OSBPL10: variants seen among roughly 807,000 people sequenced by gnomAD.
The protein encoded by OSBPL10 is oxysterol binding protein like 10.
In OSBPL10, 49 loss-of-function variants were observed where a neutral mutation model predicts 81.7. The observed-to-expected ratio is 0.60, with a 90% CI of 0.48 to 0.76. The LOEUF is 0.76. Among genes scored for constraint, OSBPL10 ranks in the 30% least tolerant of loss-of-function variants. OSBPL10 has a pLI of 0.00. For missense variants in OSBPL10, 923 were observed against 987.8 expected, an observed-to-expected ratio of 0.93 and a Z score of 0.88; for synonymous variants, 419 against 383.6, an observed-to-expected ratio of 1.09 and a Z score of -1.08.
intron 2 of OSBPL10, among the ~76,000 whole-genome samples, chr3:31,999,946 C>T (rs1699129013): frequency 6.6e-6 from 1 of 152,148 alleles, no homozygotes; most frequent in Admixed American, 6.5e-5. Flanking sequence ...TCATAAGAGC[C>T]TCTTCTAAAA....
intron 4 of OSBPL10, among the ~76,000 whole-genome samples, chr3:31,792,371 C>T (rs75378668): frequency 0.019 from 2,835 of 152,106 alleles, 79 homozygotes; most frequent in African/African-American, 0.064. Flanking sequence ...TGTAAAAAAG[C>T]TTTTCCAAGT....
intron 4 of OSBPL10, among the ~76,000 whole-genome samples, chr3:31,782,644 A>G (rs1375041128): frequency 2.0e-5 from 3 of 152,236 alleles, no homozygotes; most frequent in African/African-American, 7.2e-5. Context: ...ATGAATAGAC[A>G]GTTCTCAAAA....
chr3:31,969,908 C>T (rs958520287), intron 1 of OSBPL10, among the ~76,000 whole-genome samples: 2 of 149,414 alleles, frequency 1.3e-5, no homozygotes, highest in Admixed American at 1.3e-4. Context: ...TTGGAAAGGC[C>T]ATGGAGAGAA....
chr3:31,712,721 A>G (rs913670106), intron 6 of OSBPL10, among the ~76,000 whole-genome samples: 1 of 152,242 alleles, frequency 6.6e-6, no homozygotes, highest in African/African-American at 2.4e-5. Flanking sequence ...ATAAATTAGC[A>G]TTGTTTTAAA....
At chr3:31,965,982 T>G (rs1698389399) in intron 1 of OSBPL10, among the ~76,000 whole-genome samples, 1 of 125,794 alleles carries the variant, frequency 7.9e-6, no homozygotes, top group Non-Finnish European at 1.6e-5. Flanking sequence ...AGATAATATA[T>G]ATTATATAAA....
intron 1 of OSBPL10, among the ~76,000 whole-genome samples, chr3:31,892,864 T>A (rs1400798328): frequency 1.3e-5 from 2 of 152,154 alleles, no homozygotes; most frequent in African/African-American, 4.8e-5. Flanking sequence ...ACCAGCAGAC[T>A]AGCCAGGGAT....
At chr3:32,068,795 T>G (rs2125447492) in intron 1 of OSBPL10, among the ~76,000 whole-genome samples, 1 of 152,242 alleles carries the variant, frequency 6.6e-6, no homozygotes, top group Middle Eastern at 3.4e-3. Context: ...CTTTCCCTCC[T>G]GCCTGTCCCT....
intron 3 of OSBPL10, among the ~76,000 whole-genome samples, chr3:31,837,321 TTATATATATATATATATATATATATA>T (rs59797512): frequency 0.017 from 998 of 59,080 alleles, 32 homozygotes; most frequent in African/African-American, 0.039. Flanking sequence ...GATCCCCAAA[TTATATATATATATATATATATATATA>T]TATATATATA....
intron 7 of OSBPL10, among the ~76,000 whole-genome samples, chr3:31,691,042 G>A (rs1695525003): frequency 6.6e-6 from 1 of 152,066 alleles, no homozygotes; most frequent in African/African-American, 2.4e-5. Context: ...TCTGACAGAG[G>A]GTGAGTGACG....
intron 1 of OSBPL10, among the ~76,000 whole-genome samples, chr3:31,918,334 T>G (rs75771749): frequency 6.7e-6 from 1 of 148,462 alleles, no homozygotes; most frequent in Non-Finnish European, 1.5e-5. Context: ...CTTTTCTTTT[T>G]TTTTTTTTTA....
At chr3:31,812,318 C>G (rs755046014) in intron 4 of OSBPL10, among the ~76,000 whole-genome samples, 37 of 152,222 alleles carry the variant, frequency 2.4e-4, no homozygotes, top group Non-Finnish European at 4.8e-4. Context: ...AGGCGTAAGC[C>G]ACCGCGCCTG....
At chr3:31,762,630 A>ATTTTTTTCTTTTTTTTTTTTTTTTTT (rs1698080971) in intron 4 of OSBPL10, among the ~76,000 whole-genome samples, 1 of 61,514 alleles carries the variant, frequency 1.6e-5, no homozygotes, top group Non-Finnish European at 2.7e-5. Flanking sequence ...CATGCCCAGC[A>ATTTTTTTCTTTTTTTTTTTTTTTTTT]TTTTTTTTTT....
At chr3:31,849,310 AAT>A (rs34399029) in intron 3 of OSBPL10, among the ~76,000 whole-genome samples, 57,469 of 152,048 alleles carry the variant, frequency 0.38, 11,436 homozygotes, top group South Asian at 0.56. Flanking sequence ...GTTACAAAGC[AAT>A]ATAGACAGTA....
chr3:32,070,110 C>A (rs777672283), intron 1 of OSBPL10, among the ~76,000 whole-genome samples: 42 of 152,314 alleles, frequency 2.8e-4, no homozygotes, highest in Non-Finnish European at 5.0e-4. Flanking sequence ...CCCCCTGGAC[C>A]ATCACGGACG....
intron 5 of OSBPL10, among the ~76,000 whole-genome samples, chr3:31,740,045 C>CTTT (rs33919556): frequency 7.4e-6 from 1 of 135,880 alleles, no homozygotes; most frequent in African/African-American, 2.7e-5. Flanking sequence ...ATGAATAATA[C>CTTT]TTTTTTTTTT....
At chr3:31,937,748 T>C (rs983688974) in intron 1 of OSBPL10, among the ~76,000 whole-genome samples, 2 of 152,232 alleles carry the variant, frequency 1.3e-5, no homozygotes, top group Non-Finnish European at 2.9e-5. Context: ...GAACTCTTGA[T>C]GGAAGCACAT....
At chr3:32,004,377 A>C (rs1364038512) in intron 2 of OSBPL10, among the ~76,000 whole-genome samples, 1 of 152,110 alleles carries the variant, frequency 6.6e-6, no homozygotes, top group African/African-American at 2.4e-5. Context: ...CATCCCTTAC[A>C]TTACCAGGAA....
chr3:31,830,201 T>C lies in OSBPL10; in HGVS notation c.568A>G (p.Thr190Ala), dbSNP rs750034582. 3 of 1,613,868 alleles carry C rather than the reference T, an allele frequency of 1.9e-6. No homozygotes were observed. The highest frequency in any genetic ancestry group is 8.5e-7 in the Non-Finnish European group (1 of 1,179,934). ...TTGGGTGTTCCATGTGGGAGCAAAG[T>C]GAGACTTCGGCTTCGGGAGCTTGGA... ...SAPSSRSRSL[T>A]LLPHGTPNSA... The change falls in exon 4 of 12, where the codon ACT becomes GCT. Residue 190 changes from threonine (T) to alanine (A), a missense_variant. Thr to Ala is a moderately conservative substitution (Grantham distance 58). This residue lies in a region of OSBPL10 where 514 missense variants were observed against 508.0 expected (regional missense o/e 1.01). Transcript: ENST00000396556.
chr3:31,925,776 G>T (rs1405327379), intron 1 of OSBPL10, among the ~76,000 whole-genome samples: 59 of 152,162 alleles, frequency 3.9e-4, no homozygotes. Context: ...TTGTGCCACT[G>T]CACTCCAGCC....
Sources: gnomAD v4.1 joint callset for allele counts (sites outside exome capture counted in the v4.1 genomes callset) on GRCh38, gnomAD v4.1.1 for gene constraint, gnomAD v4.1.1 regional missense constraint, MANE v1.5 for transcripts, NCBI Gene and HGNC (gene_info 2026-07-23, HGNC 2026-07-21) for gene names.